The following PLCE1 variants were observed in gnomAD, a reference collection of about 807,000 sequenced individuals.
PLCE1 encodes the protein phospholipase C epsilon 1.
In PLCE1, 119 loss-of-function variants were observed where a neutral mutation model predicts 242.8. The observed-to-expected ratio is 0.49, with a 90% CI of 0.42 to 0.57. PLCE1 has a LOEUF of 0.57. Among genes scored for constraint, PLCE1 ranks in the 20% least tolerant of loss-of-function variants. The pLI, the probability that PLCE1 is intolerant of heterozygous loss-of-function variation, is 0.00. For missense variants in PLCE1, 2,441 were observed against 2,788.8 expected, an observed-to-expected ratio of 0.88 and a Z score of 2.81; for synonymous variants, 945 against 1,017.4, an observed-to-expected ratio of 0.93 and a Z score of 1.35.
intron 1 of PLCE1, among the ~76,000 whole-genome samples, chr10:94,004,791 G>A (rs1300669403): frequency 1.3e-5 from 2 of 152,188 alleles, no homozygotes; most frequent in South Asian, 4.1e-4. Flanking sequence ...ACAATGGTGA[G>A]CAAGGTCCCC....
chr10:94,157,011 G>C (rs994649283), intron 3 of PLCE1, among the ~76,000 whole-genome samples: 2 of 151,968 alleles, frequency 1.3e-5, no homozygotes, highest in Non-Finnish European at 2.9e-5. Context: ...GGTGTTTTTT[G>C]GGGGGCGAGG....
In PLCE1 at chr10:94,171,189, C is replaced by T. The variant is rs371545313; in HGVS notation, c.1502C>T (p.Pro501Leu). The change falls in exon 4 of 33, where the codon CCA (proline) becomes CTA (leucine). Residue 501 changes from proline to leucine, a missense_variant. This residue lies in a region of PLCE1 where 733 missense variants were observed against 754.2 expected (regional missense o/e 0.97). Coordinates refer to ENST00000371380, the MANE Select transcript of PLCE1 (RefSeq NM_016341.4). ...TGTTGCTTTGTTTTAGAACGCCAGCCAGGCCCCTCTGTGGCCAATTCCAAT... is the reference window on the plus strand; with the variant it reads ...TGTTGCTTTGTTTTAGAACGCCAGCTAGGCCCCTCTGTGGCCAATTCCAAT... Reference protein sequence around the residue: ...TGRMMLKERQPGPSVANSNAL... With the variant: ...TGRMMLKERQLGPSVANSNAL... 4.3e-6 allele frequency: 7 copies of T among 1,613,960 alleles called. No individual in the cohort carries two copies. Among genetic ancestry groups the T allele is most frequent in the Non-Finnish European group, 5.1e-6 (6 of 1,179,922 alleles).
intron 2 of PLCE1, among the ~76,000 whole-genome samples, chr10:94,040,160 T>C (rs1323404923): frequency 6.6e-6 from 1 of 152,194 alleles, no homozygotes; most frequent in Non-Finnish European, 1.5e-5. Context: ...CTTGCTATGT[T>C]GCCCAGGCTA....
In PLCE1 at chr10:93,994,087, G is replaced by A. The variant is rs2134113693; in HGVS notation, c.-536G>A. On this transcript the variant is annotated 5_prime_UTR_variant, in exon 1 of 33. Transcript: ENST00000371380. ...TCTACCTCCCGGGCTCTGCCTCCCG[G>A]GCTCTGCCTCTCGGGCACTTGCCTG... 6.6e-6 allele frequency among the ~76,000 whole-genome samples: 1 copy of A among 152,038 alleles called. No homozygotes were observed. The highest frequency in any genetic ancestry group is 2.4e-5 in the African/African-American group (1 of 41,544).
chr10:94,236,042 T>G lies in PLCE1; in HGVS notation c.2342T>G (p.Leu781Arg). 6.2e-7 allele frequency: 1 copy of G among 1,614,122 alleles called. No homozygotes were observed. Among genetic ancestry groups the G allele is most frequent in the Non-Finnish European group, 8.5e-7 (1 of 1,180,004 alleles). The change falls in exon 7 of 33, where the codon CTG becomes CGG. Residue 781 changes from leucine to arginine, a missense_variant. Physicochemically the swap from Leu to Arg is moderately radical, Grantham distance 102. This residue lies in a region of PLCE1 where 733 missense variants were observed against 754.2 expected (regional missense o/e 0.97). Coordinates refer to ENST00000371380, the MANE Select transcript of PLCE1 (RefSeq NM_016341.4). ...GTCATCCGGAGCTGCAATCGAAGTC[T>G]GGAGACAGACGAGGAGGACAGCCCC... ...FQVIRSCNRSLETDEEDSPSE... is the reference protein window; with the variant it reads ...FQVIRSCNRSRETDEEDSPSE...
intron 22 of PLCE1, among the ~76,000 whole-genome samples, chr10:94,290,433 ATTT>A (rs1220309031): frequency 7.9e-6 from 1 of 126,180 alleles, no homozygotes; most frequent in Non-Finnish European, 1.7e-5. Context: ...ACTTCATTTT[ATTT>A]TTTATTTTTT....
At chr10:94,106,716 C>T (rs1041707113) in intron 2 of PLCE1, among the ~76,000 whole-genome samples, 2 of 152,144 alleles carry the variant, frequency 1.3e-5, no homozygotes, top group African/African-American at 4.8e-5. Context: ...ATTCCCTTTT[C>T]CTCTGCACAC....
intron 2 of PLCE1, among the ~76,000 whole-genome samples, chr10:94,109,489 T>C (rs1405217060): frequency 6.6e-6 from 1 of 152,190 alleles, no homozygotes; most frequent in Non-Finnish European, 1.5e-5. Context: ...GTTCCTATAG[T>C]TCCAGCTACT....
At chr10:94,065,928 CTG>C (rs780414857) in intron 2 of PLCE1, among the ~76,000 whole-genome samples, 55 of 152,268 alleles carry the variant, frequency 3.6e-4, no homozygotes, top group Non-Finnish European at 6.9e-4. Context: ...ACAAAAATTG[CTG>C]TGTTAATAGC....
chr10:94,067,964 A>T (rs1333634920), intron 2 of PLCE1, among the ~76,000 whole-genome samples: 1 of 151,906 alleles, frequency 6.6e-6, no homozygotes. Flanking sequence ...TCTAACCAGC[A>T]CTCCTAAGAT....
intron 3 of PLCE1, among the ~76,000 whole-genome samples, chr10:94,170,304 C>G (rs1469402279): frequency 2.0e-5 from 3 of 152,084 alleles, no homozygotes; most frequent in Non-Finnish European, 4.4e-5. Context: ...AAACTCTGTT[C>G]TAGGGCTCAT....
At chr10:94,098,116 G>A (rs1471511832) in intron 2 of PLCE1, among the ~76,000 whole-genome samples, 1 of 152,208 alleles carries the variant, frequency 6.6e-6, no homozygotes, top group African/African-American at 2.4e-5. Flanking sequence ...AGGACCCTTA[G>A]GAAGAGAATG....
In PLCE1 at chr10:94,246,419, T is replaced by C; in HGVS notation, c.2894T>C (p.Met965Thr). The C allele has an allele frequency of 1.2e-6, 2 of 1,614,206 alleles. No individual in the cohort carries two copies. The highest frequency in any genetic ancestry group is 2.2e-5 in the South Asian group (2 of 91,088). ...TVCVQNKLGS[M>T]FLSETGVTLL... is the part of the protein sequence containing the mutation. ...TGTGTTCAGAACAAACTGGGTAGCATGTTCCTGTCAGAGACTGGTGTGACA... is the reference window on the plus strand; with the variant it reads ...TGTGTTCAGAACAAACTGGGTAGCACGTTCCTGTCAGAGACTGGTGTGACA... The change falls in exon 8 of 33, where the codon ATG becomes ACG. Residue 965 changes from methionine (M) to threonine (T), a missense_variant. Transcript: ENST00000371380.
At chr10:94,101,938 C>T (rs12779555) in intron 2 of PLCE1, among the ~76,000 whole-genome samples, 19,531 of 152,182 alleles carry the variant, frequency 0.13, 1,679 homozygotes, top group Non-Finnish European at 0.19. Flanking sequence ...CTGGGGACCA[C>T]AGGGGCTATG....
At chr10:94,265,624 C>T in intron 14 of PLCE1, 23 bp from the exon 15 acceptor site, 3 of 1,426,714 alleles carry the variant, frequency 2.1e-6, no homozygotes, top group Non-Finnish European at 2.9e-6. Context: ...CTAAATAACA[C>T]TTTTTTTTTT....
intron 28 of PLCE1, chr10:94,315,239 C>T (rs1331678584): frequency 2.9e-6 from 1 of 343,906 alleles, no homozygotes; most frequent in Non-Finnish European, 5.7e-6. Context: ...CCTTCACTCC[C>T]ACTGCCCTCA....
intron 5 of PLCE1, among the ~76,000 whole-genome samples, chr10:94,231,071 T>C (rs1372780894): frequency 2.0e-5 from 3 of 152,244 alleles, no homozygotes; most frequent in Non-Finnish European, 4.4e-5. Context: ...CTGTGTGTGG[T>C]AGAATTGTAA....
At chr10:94,320,316 T>C (rs991112956) in intron 29 of PLCE1, among the ~76,000 whole-genome samples, 3 of 152,136 alleles carry the variant, frequency 2.0e-5, no homozygotes, top group African/African-American at 4.8e-5. Flanking sequence ...ATGGATTTTT[T>C]CACTCATTGA....
At chr10:94,225,030 G>A (rs919061056) in intron 4 of PLCE1, 1 of 152,402 alleles carries the variant, frequency 6.6e-6, no homozygotes, top group South Asian at 2.1e-4. Context: ...CATGCTGGGA[G>A]CCCACTAGGC....
Sources: gnomAD v4.1 joint callset for allele counts (sites outside exome capture counted in the v4.1 genomes callset) on GRCh38, gnomAD v4.1.1 for gene constraint, gnomAD v4.1.1 regional missense constraint, MANE v1.5 for transcripts, NCBI Gene and HGNC (gene_info 2026-07-23, HGNC 2026-07-21) for gene names.